Variants in NEBL observed in about 807,000 individuals in gnomAD.
NEBL encodes the protein nebulette, also known as LIM and SH3 protein 2.
Under a neutral mutation model 140.2 loss-of-function variants are expected in NEBL, and 122 were observed. The ratio of observed to expected loss-of-function variants is 0.87; its 90% confidence interval spans 0.75 to 1.01. NEBL has a LOEUF of 1.01. Ranked by LOEUF, NEBL falls within the 50% of genes least tolerant of loss-of-function variation. NEBL has a pLI of 0.00. For missense variants in NEBL, 1,365 were observed against 1,231.3 expected, an observed-to-expected ratio of 1.11 and a Z score of -1.62; for synonymous variants, 436 against 398.9, an observed-to-expected ratio of 1.09 and a Z score of -1.11.
chr10:20,789,406 C>T (rs1835723702), intron 26 of NEBL, among the ~76,000 whole-genome samples: 1 of 152,146 alleles, frequency 6.6e-6, no homozygotes, highest in Non-Finnish European at 1.5e-5. Context: ...CAGGAATGGA[C>T]ATTGAAAAAT....
chr10:21,053,136 C>T lies in NEBL; in HGVS notation c.165-32935G>A, dbSNP rs138886453. On this transcript the variant is annotated intron_variant, in intron 2 of 6. Coordinates refer to the NEBL transcript ENST00000417816. ...ATAAATATGTACAAATATTATATCACGATAAATGAAAATAAATAAATACAT... is the reference window on the plus strand; with the variant it reads ...ATAAATATGTACAAATATTATATCATGATAAATGAAAATAAATAAATACAT... Among the ~76,000 whole-genome samples, 1,095 of 151,804 alleles carry T rather than the reference C, an allele frequency of 7.2e-3. 2 individuals are homozygous for T. The highest frequency in any genetic ancestry group is 0.012 in the Non-Finnish European group (815 of 67,936).
At chr10:20,834,920 A>T (rs1190064079) in intron 14 of NEBL, among the ~76,000 whole-genome samples, 2 of 152,170 alleles carry the variant, frequency 1.3e-5, no homozygotes, top group Non-Finnish European at 2.9e-5. Context: ...TTAAGACAAA[A>T]CTTCTAAATC....
chr10:20,987,751 T>C (rs1837311288), intron 3 of NEBL, among the ~76,000 whole-genome samples: 1 of 152,132 alleles, frequency 6.6e-6, no homozygotes, highest in South Asian at 2.1e-4. Flanking sequence ...AATGAACAAG[T>C]ACTCAGGAAT....
chr10:21,187,609 G>T (rs900899490), intron 3 of NEBL, among the ~76,000 whole-genome samples: 3 of 151,946 alleles, frequency 2.0e-5, no homozygotes, highest in African/African-American at 7.3e-5. Context: ...AACCTCCCAG[G>T]CTCAAGCGAT....
At chr10:20,902,260 G>T (rs967598768), upstream of NEBL, among the ~76,000 whole-genome samples, 10 of 152,184 alleles carry the variant, frequency 6.6e-5, no homozygotes, top group African/African-American at 2.4e-4. Context: ...CAAAAAATTA[G>T]CTGGGCATGG....
intron 3 of NEBL, among the ~76,000 whole-genome samples, chr10:21,204,119 C>A (rs763179604): frequency 2.0e-5 from 3 of 152,152 alleles, no homozygotes; most frequent in Non-Finnish European, 4.4e-5. Flanking sequence ...CAGTAGGGGT[C>A]TTCAATGAAC....
chr10:21,048,728 G>T (rs1834632084), intron 2 of NEBL, among the ~76,000 whole-genome samples: 1 of 152,162 alleles, frequency 6.6e-6, no homozygotes, highest in South Asian at 2.1e-4. Flanking sequence ...GGGCACAGAG[G>T]CTCATGCTTG....
upstream of NEBL, among the ~76,000 whole-genome samples, chr10:21,176,752 G>A (rs11012557): frequency 0.058 from 8,767 of 152,026 alleles, 442 homozygotes; most frequent in East Asian, 0.22. Context: ...ATCCTTTTCC[G>A]CTGACAGGGA....
At chr10:20,894,151 C>G (rs1847248005) in intron 2 of NEBL, among the ~76,000 whole-genome samples, 1 of 152,170 alleles carries the variant, frequency 6.6e-6, no homozygotes, top group African/African-American at 2.4e-5. Context: ...GAAGAGAAGT[C>G]CATGAAACCA....
intron 2 of NEBL, among the ~76,000 whole-genome samples, chr10:21,106,007 A>T (rs937973078): frequency 6.6e-6 from 1 of 151,886 alleles, no homozygotes; most frequent in Non-Finnish European, 1.5e-5. Flanking sequence ...GTCTGTTCAT[A>T]TCCTTTCCCA....
At chr10:21,288,137 C>A (rs1843084429) in intron 1 of NEBL, among the ~76,000 whole-genome samples, 1 of 152,192 alleles carries the variant, frequency 6.6e-6, no homozygotes, top group African/African-American at 2.4e-5. Flanking sequence ...CATTATGACA[C>A]CAGTAATCAA....
intron 2 of NEBL, among the ~76,000 whole-genome samples, chr10:21,156,110 A>G (rs985712278): frequency 5.9e-5 from 9 of 152,256 alleles, no homozygotes; most frequent in Admixed American, 4.6e-4. Context: ...AAATAGAAAG[A>G]ATCAGTAGAA....
intron 3 of NEBL, among the ~76,000 whole-genome samples, chr10:21,207,311 T>C (rs1020974627): frequency 6.6e-6 from 1 of 152,114 alleles, no homozygotes; most frequent in Non-Finnish European, 1.5e-5. Flanking sequence ...ATCCTATCTA[T>C]AGGAATGATG....
intron 2 of NEBL, chr10:21,170,649 C>A (rs1292778619): frequency 6.6e-6 from 1 of 152,612 alleles, no homozygotes; most frequent in Non-Finnish European, 1.5e-5. Flanking sequence ...TGGACTTCCC[C>A]TCTCCAAGAA....
intron 4 of NEBL, among the ~76,000 whole-genome samples, chr10:20,905,915 G>C (rs1239584505): frequency 6.6e-6 from 1 of 152,164 alleles, no homozygotes; most frequent in Non-Finnish European, 1.5e-5. Context: ...AGCCTTTGCA[G>C]TTATAACAAT....
At chr10:21,258,217 G>A (rs1379804984) in intron 1 of NEBL, among the ~76,000 whole-genome samples, 1 of 152,116 alleles carries the variant, frequency 6.6e-6, no homozygotes, top group Non-Finnish European at 1.5e-5. Flanking sequence ...GAGCCCAGAT[G>A]TTCACAACTG....
chr10:21,025,731 C>T (rs1484339868), intron 2 of NEBL, among the ~76,000 whole-genome samples: 2 of 152,110 alleles, frequency 1.3e-5, no homozygotes, highest in Non-Finnish European at 2.9e-5. Flanking sequence ...GCTTGTCTAC[C>T]TTCCATCTGT....
intron 4 of NEBL, among the ~76,000 whole-genome samples, chr10:20,881,566 C>G (rs902392362): frequency 6.6e-5 from 10 of 152,192 alleles, no homozygotes; most frequent in Non-Finnish European, 1.3e-4. Context: ...AACCTAAAGA[C>G]AGCAACCAAG....
chr10:20,825,923 A>T (rs967953628), intron 18 of NEBL, among the ~76,000 whole-genome samples: 6 of 152,220 alleles, frequency 3.9e-5, no homozygotes, highest in Non-Finnish European at 2.9e-5. Flanking sequence ...GAAGAAGCAG[A>T]AGGTAAAACA....
Sources: gnomAD v4.1 joint callset for allele counts (sites outside exome capture counted in the v4.1 genomes callset) on GRCh38, gnomAD v4.1.1 for gene constraint, MANE v1.5 for transcripts, NCBI Gene and HGNC (gene_info 2026-07-23, HGNC 2026-07-21) for gene names.